Variants in PLGRKT observed in about 807,000 individuals in gnomAD.
PLGRKT encodes plasminogen receptor (KT).
Under a neutral mutation model 18.5 loss-of-function variants are expected in PLGRKT, and 22 were observed. The observed-to-expected ratio is 1.19, with a 90% CI of 0.85 to 1.70. The LOEUF is 1.70. PLGRKT is among the 40% of genes most tolerant of loss of function. The pLI, the probability that PLGRKT is intolerant of heterozygous loss-of-function variation, is 0.00. For synonymous variants in PLGRKT, 72 were observed against 52.8 expected, an observed-to-expected ratio of 1.36 and a Z score of -1.58; for missense variants, 235 against 174.4, an observed-to-expected ratio of 1.35 and a Z score of -1.96.
intron 3 of PLGRKT, among the ~76,000 whole-genome samples, chr9:5,429,754 G>C (rs1022379064): frequency 6.6e-6 from 1 of 152,138 alleles, no homozygotes; most frequent in African/African-American, 2.4e-5. Flanking sequence ...ATAGGTTAAG[G>C]CTTCAACATA....
intron 3 of PLGRKT, among the ~76,000 whole-genome samples, chr9:5,398,002 T>C (rs1420565079): frequency 2.6e-5 from 4 of 151,972 alleles, no homozygotes; most frequent in African/African-American, 7.3e-5. Context: ...ACTCTGTAGC[T>C]TGGTGCCCAC....
rs1362768175 is a variant in PLGRKT at position 5,428,065 on chromosome 9, T to C, written c.81+3832A>G. On this transcript the variant is annotated intron_variant, in intron 3 of 5. Coordinates refer to ENST00000223864, the MANE Select transcript of PLGRKT (RefSeq NM_018465.4). Reference sequence around the variant, plus strand: ...GACAATGGGGCAGCAAGCTCCACGATCCAGCCAAAAAACAAGGCGACGTGG... The same window carrying C: ...GACAATGGGGCAGCAAGCTCCACGACCCAGCCAAAAAACAAGGCGACGTGG... Among the ~76,000 whole-genome samples, 3 of 152,050 alleles carry C rather than the reference T, an allele frequency of 2.0e-5. 1 individual carries two copies. Among genetic ancestry groups the C allele is most frequent in the South Asian group, 4.1e-4 (2 of 4,820 alleles).
chr9:5,413,594 G>A (rs1248026289), intron 3 of PLGRKT, among the ~76,000 whole-genome samples: 2 of 152,162 alleles, frequency 1.3e-5, no homozygotes, highest in Non-Finnish European at 2.9e-5. Context: ...AATGCAGGCA[G>A]CCTCTAGAAA....
chr9:5,424,348 T>C (rs1818637775), intron 3 of PLGRKT, among the ~76,000 whole-genome samples: 1 of 133,672 alleles, frequency 7.5e-6, no homozygotes, highest in Admixed American at 8.3e-5. Flanking sequence ...ATATTATCAT[T>C]AATAACATAT....
At chr9:5,437,255 TA>T (rs1328072010) in intron 1 of PLGRKT, among the ~76,000 whole-genome samples, 1 of 152,206 alleles carries the variant, frequency 6.6e-6, no homozygotes, top group East Asian at 1.9e-4. Context: ...TGGGGGGACA[TA>T]AAAAATTAAT....
chr9:5,428,383 C>T (rs1818742999), intron 3 of PLGRKT, among the ~76,000 whole-genome samples: 2 of 152,250 alleles, frequency 1.3e-5, no homozygotes, highest in Middle Eastern at 3.4e-3. Context: ...TTGGACTGGA[C>T]ACGAGTGCCA....
chr9:5,392,353 T>A (rs1470107938), intron 3 of PLGRKT: 1 of 151,986 alleles, frequency 6.6e-6, no homozygotes, highest in East Asian at 1.9e-4. Flanking sequence ...GTATTCTTTA[T>A]TTCTACAACT....
intron 3 of PLGRKT, among the ~76,000 whole-genome samples, chr9:5,402,082 A>G (rs1818166048): frequency 6.6e-6 from 1 of 151,998 alleles, no homozygotes. Flanking sequence ...AAAACTTGTT[A>G]CAGTTTAATA....
At chr9:5,365,359 C>A (rs1431050604) in intron 3 of PLGRKT, among the ~76,000 whole-genome samples, 1 of 152,078 alleles carries the variant, frequency 6.6e-6, no homozygotes. Context: ...TGGATTATAA[C>A]CTAAAGTACA....
chr9:5,417,000 A>G (rs1215319971), intron 3 of PLGRKT, among the ~76,000 whole-genome samples: 1 of 152,242 alleles, frequency 6.6e-6, no homozygotes, highest in African/African-American at 2.4e-5. Context: ...CTTGGTGGAC[A>G]TTTTTAGTAG....
At chr9:5,400,968 A>G (rs562875848) in intron 3 of PLGRKT, among the ~76,000 whole-genome samples, 50 of 152,076 alleles carry the variant, frequency 3.3e-4, no homozygotes, top group African/African-American at 1.0e-3. Flanking sequence ...GGGAAACTTT[A>G]TCCTCAAAAA....
Position 5,424,668 on chromosome 9 carries a change from TTATATATATA to T in PLGRKT, c.81+7219_81+7228del, listed in dbSNP as rs375682412. Among the ~76,000 whole-genome samples the T allele has an allele frequency of 7.8e-3, 877 of 113,148 alleles. 43 individuals are homozygous for T. Among genetic ancestry groups the T allele is most frequent in the African/African-American group, 0.034 (837 of 24,336 alleles). The allele number at this position is 113,148 out of a possible 152,430, so 74.2% of individuals were successfully genotyped here. ...ATTATATATAATATAATTATATATTTTATATATATATATATATATATATACACACAGGGGG... is the reference window on the plus strand; with the variant it reads ...ATTATATATAATATAATTATATATTTTATATATATATATACACACAGGGGG... On this transcript the variant is annotated intron_variant, in intron 3 of 5. Coordinates refer to ENST00000223864, the MANE Select transcript of PLGRKT (RefSeq NM_018465.4).
chr9:5,421,683 G>A (rs191675070), intron 3 of PLGRKT, among the ~76,000 whole-genome samples: 1 of 152,152 alleles, frequency 6.6e-6, no homozygotes, highest in African/African-American at 2.4e-5. Flanking sequence ...CTTGTATGTG[G>A]GACATCTCAC....
At chr9:5,364,917 G>A (rs1267233280) in intron 3 of PLGRKT, among the ~76,000 whole-genome samples, 2 of 152,194 alleles carry the variant, frequency 1.3e-5, no homozygotes, top group African/African-American at 4.8e-5. Flanking sequence ...CTCATGCTTA[G>A]TGCTTGATAC....
chr9:5,389,493 G>C (rs938234012), intron 3 of PLGRKT, among the ~76,000 whole-genome samples: 1 of 151,886 alleles, frequency 6.6e-6, no homozygotes, highest in Admixed American at 6.6e-5. Flanking sequence ...CATGTGCTTT[G>C]AGGGGATCAT....
chr9:5,369,773 T>C (rs1279006801), intron 3 of PLGRKT, among the ~76,000 whole-genome samples: 1 of 152,034 alleles, frequency 6.6e-6, no homozygotes, highest in Non-Finnish European at 1.5e-5. Flanking sequence ...AAAGGATGAG[T>C]TCATGTCCTT....
chr9:5,405,912 G>C (rs946131966), intron 3 of PLGRKT, among the ~76,000 whole-genome samples: 1 of 151,794 alleles, frequency 6.6e-6, no homozygotes, highest in African/African-American at 2.4e-5. Flanking sequence ...AAATTTACAA[G>C]AAAAAAACAA....
At chr9:5,375,983 A>G (rs1229492459) in intron 3 of PLGRKT, among the ~76,000 whole-genome samples, 1 of 152,210 alleles carries the variant, frequency 6.6e-6, no homozygotes, top group Non-Finnish European at 1.5e-5. Flanking sequence ...GGTAAACAAA[A>G]TGTACATATA....
At chr9:5,424,666 T>TATATATATA (rs1491528499) in intron 3 of PLGRKT, among the ~76,000 whole-genome samples, 1 of 103,230 alleles carries the variant, frequency 9.7e-6, no homozygotes, top group East Asian at 2.4e-4. Context: ...TAATTATATA[T>TATATATATA]TTTATATATA....
Sources: gnomAD v4.1 joint callset for allele counts (sites outside exome capture counted in the v4.1 genomes callset) on GRCh38, gnomAD v4.1.1 for gene constraint, MANE v1.5 for transcripts, NCBI Gene and HGNC (gene_info 2026-07-23, HGNC 2026-07-21) for gene names.